KIRREL3: variants seen among roughly 807,000 people sequenced by gnomAD.
KIRREL3 encodes kin of IRRE-like protein 3.
KIRREL3 carries 36 observed loss-of-function variants against 89.7 expected under a neutral mutation model. The ratio of observed to expected loss-of-function variants is 0.40; its 90% confidence interval spans 0.31 to 0.53. KIRREL3 has a LOEUF of 0.53. KIRREL3 is among the 20% of genes least tolerant of loss of function. The pLI is 0.49. For missense variants in KIRREL3, 864 were observed against 1,056.6 expected, an observed-to-expected ratio of 0.82 and a Z score of 2.53; for synonymous variants, 445 against 441.4, an observed-to-expected ratio of 1.01 and a Z score of -0.10.
intron 1 of KIRREL3, among the ~76,000 whole-genome samples, chr11:126,868,499 C>T (rs1168662944): frequency 6.6e-6 from 1 of 152,154 alleles, no homozygotes; most frequent in Non-Finnish European, 1.5e-5. Context: ...TCTTTGGTGA[C>T]TGTAATGGTG....
rs535794789 is a variant in KIRREL3 at position 126,763,967 on chromosome 11, C to T, written c.56-201055G>A. On this transcript the variant is annotated intron_variant, in intron 1 of 16. Transcript: ENST00000525144. The surrounding 1 kb of genome is among the most constrained non-coding windows in gnomAD (Gnocchi z 4.7). ...CCTGTATCTTTTTTCCCCCACAACTCTGCATTCCCCTCCCCATCCACAGCA... is the reference window on the plus strand; with the variant it reads ...CCTGTATCTTTTTTCCCCCACAACTTTGCATTCCCCTCCCCATCCACAGCA... 6.6e-6 allele frequency among the ~76,000 whole-genome samples: 1 copy of T among 152,308 alleles called. No individual in the cohort carries two copies. The highest frequency in any genetic ancestry group is 2.1e-4 in the South Asian group (1 of 4,824).
chr11:126,619,943 C>T (rs1225068263), intron 1 of KIRREL3, among the ~76,000 whole-genome samples: 1 of 152,150 alleles, frequency 6.6e-6, no homozygotes, highest in East Asian at 1.9e-4. Flanking sequence ...ACTTCTTGAC[C>T]AATTAGTGAT....
intron 1 of KIRREL3, among the ~76,000 whole-genome samples, chr11:126,960,420 A>T (rs1249486837): frequency 6.6e-6 from 1 of 152,184 alleles, no homozygotes; most frequent in Non-Finnish European, 1.5e-5. Context: ...CCTAGGTTAT[A>T]TTTAAAGTTC....
Position 126,485,391 on chromosome 11 carries a change from C to T in KIRREL3, c.434-11925G>A, listed in dbSNP as rs111869372. On this transcript the variant is annotated intron_variant, in intron 4 of 16. Coordinates refer to ENST00000525144, the MANE Select transcript of KIRREL3 (RefSeq NM_032531.4). The surrounding 1 kb of genome is among the most constrained non-coding windows in gnomAD (Gnocchi z 5.8). Reference sequence around the variant, plus strand: ...GGAAGCCCACTTCTCAGCTGGAGCTCATATTGTTTAGGGGATAAGAAGGGA... The same window carrying T: ...GGAAGCCCACTTCTCAGCTGGAGCTTATATTGTTTAGGGGATAAGAAGGGA... Among the ~76,000 whole-genome samples the T allele has an allele frequency of 2.6e-4, 40 of 152,278 alleles. No homozygotes were observed. The highest frequency in any genetic ancestry group is 5.1e-4 in the Non-Finnish European group (35 of 68,014).
At position 126,791,489 on chromosome 11, in the gene KIRREL3, G is replaced by A. The variant is rs1023168377; in HGVS notation, c.55+208966C>T. Among the ~76,000 whole-genome samples the A allele has an allele frequency of 6.6e-6, 1 of 152,218 alleles. No individual in the cohort carries two copies. Among genetic ancestry groups the A allele is most frequent in the Non-Finnish European group, 1.5e-5 (1 of 68,046 alleles). On this transcript the variant is annotated intron_variant, in intron 1 of 16. Transcript: ENST00000525144. This position sits in a 1 kb window ranked among gnomAD's most constrained non-coding sequence, Gnocchi z 4.8. ...ATTTGCAGAAAATTGTACATATTGT[G>A]CAGATCCATCTCCTTTTCTTGCCCT...
chr11:126,729,053 C>T lies in KIRREL3; in HGVS notation c.56-166141G>A, dbSNP rs1444154439. Reference sequence around the variant, plus strand: ...GCCTGTTGCAGGCTTGGAGTGGGCCCTGGGGAGGGGCAGTACCCTCTAGGC... The same window carrying T: ...GCCTGTTGCAGGCTTGGAGTGGGCCTTGGGGAGGGGCAGTACCCTCTAGGC... On this transcript the variant is annotated intron_variant, in intron 1 of 16. Transcript: ENST00000525144. The surrounding 1 kb of genome is among the most constrained non-coding windows in gnomAD (Gnocchi z 4.5). 6.6e-6 allele frequency among the ~76,000 whole-genome samples: 1 copy of T among 152,186 alleles called. No individual in the cohort carries two copies. Among genetic ancestry groups the T allele is most frequent in the Non-Finnish European group, 1.5e-5 (1 of 68,034 alleles).
At chr11:126,577,306 G>A (rs1383949784) in intron 1 of KIRREL3, among the ~76,000 whole-genome samples, 2 of 151,982 alleles carry the variant, frequency 1.3e-5, no homozygotes, top group Non-Finnish European at 2.9e-5. Flanking sequence ...GGACTTCTGC[G>A]CTCAGGTCAG....
chr11:126,623,417 G>A lies in KIRREL3; in HGVS notation c.56-60505C>T, dbSNP rs1394657910. Among the ~76,000 whole-genome samples, 3 of 152,114 alleles carry A rather than the reference G, an allele frequency of 2.0e-5. No homozygotes were observed. Among genetic ancestry groups the A allele is most frequent in the African/African-American group, 7.2e-5 (3 of 41,404 alleles). On this transcript the variant is annotated intron_variant, in intron 1 of 16. Coordinates refer to ENST00000525144, the MANE Select transcript of KIRREL3 (RefSeq NM_032531.4). This position sits in a 1 kb window ranked among gnomAD's most constrained non-coding sequence, Gnocchi z 4.1. ...TCTAATGTGCTCTTCTCAGCTTGTT[G>A]CTCCTTCACTGTAAGTCCAAGTTCT... is the stretch of plus-strand genomic sequence containing the variant.
intron 1 of KIRREL3, among the ~76,000 whole-genome samples, chr11:126,930,115 AACT>A (rs1947884438): frequency 6.6e-6 from 1 of 152,102 alleles, no homozygotes; most frequent in Non-Finnish European, 1.5e-5. Flanking sequence ...AAAAAAAAAA[AACT>A]CTTCACTCCC....
chr11:126,877,695 C>T lies in KIRREL3; in HGVS notation c.55+122760G>A, dbSNP rs1464872452. On this transcript the variant is annotated intron_variant, in intron 1 of 16. Transcript: ENST00000525144. The surrounding 1 kb of genome is among the most constrained non-coding windows in gnomAD (Gnocchi z 4.9). ...GTGCATGTGCAAGTATAATTTTGAA[C>T]AGGGAGAGAACTTAGTTGAATTGTA... Among the ~76,000 whole-genome samples the T allele has an allele frequency of 2.0e-5, 3 of 152,102 alleles. No homozygotes were observed. In the East Asian group the frequency reaches 5.8e-4, roughly 29 times the overall value.
intron 4 of KIRREL3, among the ~76,000 whole-genome samples, chr11:126,507,105 G>A (rs2134384677): frequency 6.6e-6 from 1 of 152,262 alleles, no homozygotes; most frequent in African/African-American, 2.4e-5. Flanking sequence ...CAAGAGAAAG[G>A]GGCTAGACAC....
In KIRREL3 at chr11:126,571,343, C is replaced by T. The variant is rs1395537719; in HGVS notation, c.56-8431G>A. Among the ~76,000 whole-genome samples, 1 of 152,178 alleles carries T rather than the reference C, an allele frequency of 6.6e-6. No homozygotes were observed. Among genetic ancestry groups the T allele is most frequent in the African/African-American group, 2.4e-5 (1 of 41,448 alleles). ...GGCACTTGGCCATCAACATGGGACC[C>T]AAGGTTGGCAGAGCTCACCCCACTC... On this transcript the variant is annotated intron_variant, in intron 1 of 16. Transcript: ENST00000525144. This position sits in a 1 kb window ranked among gnomAD's most constrained non-coding sequence, Gnocchi z 7.7.
At position 126,501,536 on chromosome 11, in the gene KIRREL3, C is replaced by T. The variant is rs111864924; in HGVS notation, c.433+19779G>A. ...TTGCAGGGAGCATTTTCATCCCAGG[C>T]GGTGCGTGACAAAGCTAGGATTTGA... On this transcript the variant is annotated intron_variant, in intron 4 of 16. Coordinates refer to ENST00000525144, the MANE Select transcript of KIRREL3 (RefSeq NM_032531.4). This position sits in a 1 kb window ranked among gnomAD's most constrained non-coding sequence, Gnocchi z 5.8. Among the ~76,000 whole-genome samples the T allele has an allele frequency of 3.9e-5, 6 of 152,204 alleles. No homozygotes were observed. The highest frequency in any genetic ancestry group is 7.2e-5 in the African/African-American group (3 of 41,508).
chr11:126,530,049 A>G lies in KIRREL3; in HGVS notation c.134-3362T>C, dbSNP rs1265226109. ...TCAGAGCACAGCTTTTGAGCCATGG[A>G]TGTAAGTTATTGCCAGAAGAATGCT... On this transcript the variant is annotated intron_variant, in intron 2 of 16. Coordinates refer to ENST00000525144, the MANE Select transcript of KIRREL3 (RefSeq NM_032531.4). This position sits in a 1 kb window ranked among gnomAD's most constrained non-coding sequence, Gnocchi z 5.8. Among the ~76,000 whole-genome samples the G allele has an allele frequency of 6.6e-6, 1 of 151,336 alleles. No homozygotes were observed. Among genetic ancestry groups the G allele is most frequent in the East Asian group, 2.0e-4 (1 of 5,092 alleles).
chr11:126,674,858 T>G (rs1946116797), intron 1 of KIRREL3, among the ~76,000 whole-genome samples: 1 of 151,414 alleles, frequency 6.6e-6, no homozygotes, highest in African/African-American at 2.5e-5. Flanking sequence ...AACACATTAC[T>G]GGTGTCTGCC....
chr11:126,688,864 G>C (rs1211084847), intron 1 of KIRREL3, among the ~76,000 whole-genome samples: 1 of 152,110 alleles, frequency 6.6e-6, no homozygotes, highest in African/African-American at 2.4e-5. Flanking sequence ...TAATAACAAT[G>C]AACACTCAGA....
At position 126,432,510 on chromosome 11, in the gene KIRREL3, C is replaced by T. The variant is rs1271678138; in HGVS notation, c.1589-984G>A. On this transcript the variant is annotated intron_variant, in intron 13 of 16. Coordinates refer to ENST00000525144, the MANE Select transcript of KIRREL3 (RefSeq NM_032531.4). This position sits in a 1 kb window ranked among gnomAD's most constrained non-coding sequence, Gnocchi z 6.2. Reference sequence around the variant, plus strand: ...GGTCCGGAGAAGTCAAGTGATTTGGCCAAGGACACACAGGAGCTGCCCAGC... The same window carrying T: ...GGTCCGGAGAAGTCAAGTGATTTGGTCAAGGACACACAGGAGCTGCCCAGC... Among the ~76,000 whole-genome samples, 2 of 152,110 alleles carry T rather than the reference C, an allele frequency of 1.3e-5. No individual in the cohort carries two copies. The highest frequency in any genetic ancestry group is 2.4e-5 in the African/African-American group (1 of 41,406).
In KIRREL3 at chr11:126,917,821, G is replaced by A. The variant is rs983396950; in HGVS notation, c.55+82634C>T. Among the ~76,000 whole-genome samples the A allele has an allele frequency of 6.6e-6, 1 of 152,170 alleles. No homozygotes were observed. The highest frequency in any genetic ancestry group is 1.5e-5 in the Non-Finnish European group (1 of 68,026). On this transcript the variant is annotated intron_variant, in intron 1 of 16. Coordinates refer to ENST00000525144, the MANE Select transcript of KIRREL3 (RefSeq NM_032531.4). This position sits in a 1 kb window ranked among gnomAD's most constrained non-coding sequence, Gnocchi z 5.0. ...CTTAGGCATGGACTTTAGAATTGAG[G>A]TGGCGTTTCTGAAGAACGAGATGGT...
chr11:126,527,081 T>C lies in KIRREL3; in HGVS notation c.134-394A>G, dbSNP rs537203991. Among the ~76,000 whole-genome samples, 1 of 152,380 alleles carries C rather than the reference T, an allele frequency of 6.6e-6. No homozygotes were observed. Among genetic ancestry groups the C allele is most frequent in the Admixed American group, 6.5e-5 (1 of 15,312 alleles). On this transcript the variant is annotated intron_variant, in intron 2 of 16. Transcript: ENST00000525144. This position sits in a 1 kb window ranked among gnomAD's most constrained non-coding sequence, Gnocchi z 4.2. ...AACAGGAGAGAGAGAGAGAGACCTC[T>C]AGCTAGAAACATTCTGTGGTGGCTG...
Sources: gnomAD v4.1 joint callset for allele counts (sites outside exome capture counted in the v4.1 genomes callset) on GRCh38, gnomAD v4.1.1 for gene constraint, Gnocchi (gnomAD v3.1) non-coding constraint, MANE v1.5 for transcripts, NCBI Gene and HGNC (gene_info 2026-07-23, HGNC 2026-07-21) for gene names.